The following RBBP8 variants were observed in gnomAD, a reference collection of about 807,000 sequenced individuals.
The protein encoded by RBBP8 is DNA endonuclease RBBP8.
A neutral mutation model predicts 108.3 loss-of-function variants in RBBP8; 88 were observed. The ratio of observed to expected loss-of-function variants is 0.81; its 90% CI spans 0.68 to 0.97. The LOEUF is 0.97. Ranked by LOEUF, RBBP8 falls within the 50% of genes least tolerant of loss-of-function variation. RBBP8 has a pLI of 0.00. For missense variants in RBBP8, 1,023 were observed against 1,049.0 expected (o/e 0.98, Z 0.34); for synonymous variants, 332 against 348.2 (o/e 0.95, Z 0.52).
intron 3 of RBBP8, among the ~76,000 whole-genome samples, chr18:22,921,590 T>C (rs1012645988): frequency 6.6e-6 from 1 of 152,220 alleles, no homozygotes; most frequent in Admixed American, 6.5e-5. Context: ...CTGCTTTTCC[T>C]TTAGTTTTAT....
At chr18:23,012,942 A>G (rs923708669) in intron 16 of RBBP8, among the ~76,000 whole-genome samples, 4 of 152,122 alleles carry the variant, frequency 2.6e-5, no homozygotes, top group African/African-American at 9.7e-5. Context: ...CCATTCTGAA[A>G]ATCCTAGGAC....
At chr18:23,014,787 A>T (rs1374106484) in intron 16 of RBBP8, among the ~76,000 whole-genome samples, 1 of 152,248 alleles carries the variant, frequency 6.6e-6, no homozygotes, top group Non-Finnish European at 1.5e-5. Context: ...ATTCATTTAA[A>T]AATAACAACA....
chr18:22,992,382 G>C (rs1214904131), intron 10 of RBBP8, among the ~76,000 whole-genome samples: 6 of 152,150 alleles, frequency 3.9e-5, no homozygotes, highest in Admixed American at 2.6e-4. Flanking sequence ...TTTTAGTAGA[G>C]ATGGGGTTTC....
At chr18:22,991,948 T>G (rs1915732355) in intron 10 of RBBP8, among the ~76,000 whole-genome samples, 1 of 152,178 alleles carries the variant, frequency 6.6e-6, no homozygotes, top group African/African-American at 2.4e-5. Context: ...TTGGGTTTAT[T>G]TTACAGATTA....
In RBBP8 at chr18:22,926,558, T is replaced by G. The variant is rs189366763; in HGVS notation, c.-153-2825T>G. On this transcript the variant is annotated intron_variant, in intron 3 of 4. Transcript: ENST00000577588. The stretch of plus-strand genomic sequence containing the variant: ...ACCTTCTTTATCAAGTATAAAGAGA[T>G]AGTTCCTAAATCGGGCAAATTATGT... 7.9e-5 allele frequency among the ~76,000 whole-genome samples: 12 copies of G among 152,356 alleles called. 1 individual carries two copies. The highest frequency in any genetic ancestry group is 3.9e-4 in the Admixed American group (6 of 15,304).
intron 4 of RBBP8, among the ~76,000 whole-genome samples, chr18:22,951,504 T>A (rs962528566): frequency 6.6e-6 from 1 of 152,190 alleles, no homozygotes; most frequent in Non-Finnish European, 1.5e-5. Flanking sequence ...ACTGTACTCG[T>A]ACAACATGCT....
chr18:22,929,485 T>TGTGG (rs1567939590), upstream of RBBP8: 7 of 7,674 alleles, frequency 9.1e-4, no homozygotes, highest in Non-Finnish European at 4.4e-4. Context: ...TGTGTGTGTG[T>TGTGG]GTGTGTGTGT....
chr18:22,959,408 C>G (rs1178172402), intron 4 of RBBP8, among the ~76,000 whole-genome samples: 1 of 152,090 alleles, frequency 6.6e-6, no homozygotes, highest in South Asian at 2.1e-4. Context: ...GATCAACCTT[C>G]GTGATGCTCT....
chr18:22,968,426 A>G (rs1186612865), intron 4 of RBBP8, among the ~76,000 whole-genome samples: 1 of 152,206 alleles, frequency 6.6e-6, no homozygotes, highest in Non-Finnish European at 1.5e-5. Context: ...ATATTATTGA[A>G]CACTCACTAT....
At chr18:22,928,675 CTTT>C (rs202034700), upstream of RBBP8, among the ~76,000 whole-genome samples, 1 of 145,388 alleles carries the variant, frequency 6.9e-6, no homozygotes. Context: ...GCCTTTTTTT[CTTT>C]TTTTTTTTTG....
intron 5 of RBBP8, 100 bp from the exon 6 acceptor site, chr18:22,975,053 T>C (rs1914401698): frequency 1.5e-6 from 2 of 1,343,050 alleles, no homozygotes; most frequent in African/African-American, 1.5e-5. Context: ...GGATTAGAAG[T>C]ACTAATTTCT....
chr18:23,002,161 T>TC (rs1272008448), intron 15 of RBBP8, among the ~76,000 whole-genome samples: 1 of 152,168 alleles, frequency 6.6e-6, no homozygotes, highest in African/African-American at 2.4e-5. Flanking sequence ...ACACCTGTAA[T>TC]CCCAGCACTT....
chr18:23,008,934 T>C (rs986226748), intron 16 of RBBP8, among the ~76,000 whole-genome samples: 6 of 151,904 alleles, frequency 3.9e-5, no homozygotes, highest in Admixed American at 6.6e-5. Flanking sequence ...CCACCACACC[T>C]GGCTAATTTT....
chr18:22,937,006 G>A, intron 2 of RBBP8, 46 bp downstream of exon 2: 1 of 1,609,860 alleles, frequency 6.2e-7, no homozygotes, highest in Non-Finnish European at 8.5e-7. Context: ...TGTTGAGACT[G>A]TAGTGGCTTT....
chr18:22,956,988 T>A (rs147252360), intron 4 of RBBP8, among the ~76,000 whole-genome samples: 132 of 152,266 alleles, frequency 8.7e-4, no homozygotes, highest in African/African-American at 3.0e-3. Flanking sequence ...TAAAACACAG[T>A]TGTCTAATAG....
intron 4 of RBBP8, among the ~76,000 whole-genome samples, chr18:22,965,903 A>G (rs1913540815): frequency 6.6e-6 from 1 of 152,182 alleles, no homozygotes; most frequent in African/African-American, 2.4e-5. Flanking sequence ...GCAAGTAGAC[A>G]TGTGGCTGCT....
rs368009600 is a variant in RBBP8, at chr18:22,992,961, A to G, written c.1134A>G (p.Lys378=). The part of the protein sequence containing the change: ...CISRLEKTRS[K]SEDSALFTHH... ...CTAGATTAGAAAAAACTAGATCAAA[A>G]TCTGAAGATAGTGCCCTTTTCACAC... Residue 378 remains lysine (K), a synonymous_variant, in exon 11 of 19, where the codon AAA becomes AAG. Transcript: ENST00000327155. 7 of 1,613,710 alleles carry G rather than the reference A, an allele frequency of 4.3e-6. No homozygotes were observed. Among genetic ancestry groups the G allele is most frequent in the Non-Finnish European group, 5.1e-6 (6 of 1,179,628 alleles).
intron 17 of RBBP8, among the ~76,000 whole-genome samples, chr18:23,019,920 C>G (rs1340629710): frequency 6.6e-6 from 1 of 151,618 alleles, no homozygotes; most frequent in Non-Finnish European, 1.5e-5. Context: ...TGCCACCACG[C>G]CTGGCTAATT....
At position 22,920,118 on chromosome 18, in the gene RBBP8, T is replaced by C. The variant is rs1283242792; in HGVS notation, c.-154+3092T>C. 7.3e-5 allele frequency among the ~76,000 whole-genome samples: 11 copies of C among 151,278 alleles called. No individual in the cohort carries two copies. In the East Asian group the frequency reaches 1.2e-3, roughly 16 times the overall value. ...TAAGCGGATTGCTTGAGCCCAGGAG[T>C]TCAAGACCAGCCTGGGAAACAAAGT... On this transcript the variant is annotated intron_variant, in intron 3 of 4. Coordinates refer to the RBBP8 transcript ENST00000577588.
Sources: gnomAD v4.1 joint callset for allele counts (sites outside exome capture counted in the v4.1 genomes callset) on GRCh38, gnomAD v4.1.1 for gene constraint, MANE v1.5 for transcripts, NCBI Gene and HGNC (gene_info 2026-07-23, HGNC 2026-07-21) for gene names.